Variants in CDC42BPA observed in about 807,000 individuals in gnomAD.
CDC42BPA encodes the protein CDC42 binding protein kinase alpha, also known as serine/threonine-protein kinase MRCK alpha.
Under a neutral mutation model 223.5 loss-of-function variants are expected in CDC42BPA, and 80 were observed. That is an observed-to-expected ratio of 0.36 (90% confidence interval 0.30 to 0.43). The LOEUF is 0.43. CDC42BPA is among the 20% of genes least tolerant of loss of function. The probability of loss-of-function intolerance (pLI) is 1.00; values close to 1 mark genes in which losing one functional copy is unlikely to be tolerated. For missense variants in CDC42BPA, 1,743 were observed against 2,099.9 expected (o/e 0.83, Z 3.32); for synonymous variants, 694 against 718.6 (o/e 0.97, Z 0.55).
At chr1:227,276,598 G>A (rs1176361487) in intron 1 of CDC42BPA, among the ~76,000 whole-genome samples, 2 of 152,218 alleles carry the variant, frequency 1.3e-5, no homozygotes, top group Non-Finnish European at 2.9e-5. Flanking sequence ...CCTTGAGAGC[G>A]GGCCATGATG....
Position 227,299,489 on chromosome 1 carries a change from T to C in CDC42BPA, c.178+17516A>G, listed in dbSNP as rs73098379. ...AATACACCTAATTGAAAACAAAATA[T>C]ACTAAACTGTCATAAATATTTCATC... On this transcript the variant is annotated intron_variant, in intron 1 of 36. Transcript: ENST00000366766. Among the ~76,000 whole-genome samples the C allele has an allele frequency of 6.3e-3, 960 of 152,280 alleles. 14 individuals carry two copies. The highest frequency in any genetic ancestry group is 0.022 in the African/African-American group (915 of 41,576).
intron 16 of CDC42BPA, among the ~76,000 whole-genome samples, chr1:227,085,845 T>C (rs1365310925): frequency 6.6e-6 from 1 of 152,206 alleles, no homozygotes; most frequent in Admixed American, 6.5e-5. Flanking sequence ...TGAGGTATAA[T>C]TTATATAACA....
intron 21 of CDC42BPA, among the ~76,000 whole-genome samples, chr1:227,058,810 C>T (rs957078753): frequency 4.0e-5 from 6 of 150,994 alleles, no homozygotes; most frequent in African/African-American, 1.5e-4. Context: ...AATAGAAAGG[C>T]TTTATTATTA....
At chr1:227,292,874 G>A (rs1367976783) in intron 1 of CDC42BPA, among the ~76,000 whole-genome samples, 2 of 151,908 alleles carry the variant, frequency 1.3e-5, no homozygotes, top group Non-Finnish European at 2.9e-5. Context: ...CATTCTACCT[G>A]GATGTTTCCA....
At chr1:227,119,495 A>G (rs1688291530) in intron 12 of CDC42BPA, among the ~76,000 whole-genome samples, 1 of 152,056 alleles carries the variant, frequency 6.6e-6, no homozygotes, top group South Asian at 2.1e-4. Flanking sequence ...TATAGATGCT[A>G]AACAGTTTCT....
At chr1:227,299,632 GATTT>G (rs769712801) in intron 1 of CDC42BPA, among the ~76,000 whole-genome samples, 18 of 152,130 alleles carry the variant, frequency 1.2e-4, no homozygotes, top group East Asian at 1.2e-3. Context: ...AATGATTACA[GATTT>G]ATTATGTAAA....
In CDC42BPA at chr1:227,264,942, T is replaced by C. The variant is rs573050819; in HGVS notation, c.179-10787A>G. ...ATACCCCACTCGGTATATTCATGGA[T>C]TATCTCTTCCTCTTCTTGTATAACC... On this transcript the variant is annotated intron_variant, in intron 1 of 36. Transcript: ENST00000366766. The C allele has an allele frequency of 1.3e-4, 140 of 1,114,542 alleles. No homozygotes were observed. In the East Asian group the frequency reaches 3.2e-3, roughly 26 times the overall value. 69.0% of individuals were successfully genotyped at this position (1,114,542 alleles called of 1,614,324 possible). A position where few individuals can be genotyped will look rare whatever the true frequency, so the allele number is the denominator to read the frequency against.
chr1:227,066,359 C>T (rs1239981977), intron 21 of CDC42BPA, among the ~76,000 whole-genome samples: 4 of 151,244 alleles, frequency 2.6e-5, no homozygotes, highest in African/African-American at 9.7e-5. Context: ...CACCGCACTC[C>T]AGCCTGGTGA....
rs1445881927 is a variant in CDC42BPA, at chr1:226,993,538, G to A, written c.*730C>T. On this transcript the variant is annotated 3_prime_UTR_variant, in exon 37 of 37. Coordinates refer to ENST00000366766, the MANE Select transcript of CDC42BPA (RefSeq NM_001394014.1). ...CAGTTTGAGGACAGGGCAATAAAGGGAACTCTGATTTCTCTCGCTCTCTCT... is the reference window on the plus strand; with the variant it reads ...CAGTTTGAGGACAGGGCAATAAAGGAAACTCTGATTTCTCTCGCTCTCTCT... 1 of 152,582 alleles carries A rather than the reference G, an allele frequency of 6.6e-6. No individual in the cohort carries two copies. Among genetic ancestry groups the A allele is most frequent in the Admixed American group, 6.5e-5 (1 of 15,272 alleles). The allele number at this position is 152,582 out of a possible 1,614,324, so 9.5% of individuals were successfully genotyped here. A position where few individuals can be genotyped will look rare whatever the true frequency, so the allele number is the denominator to read the frequency against.
In CDC42BPA at chr1:227,230,670, C is replaced by G. The variant is rs958888478; in HGVS notation, c.271-17451G>C. Among the ~76,000 whole-genome samples the G allele has an allele frequency of 2.6e-5, 4 of 152,130 alleles. No homozygotes were observed. In the East Asian group the frequency reaches 7.7e-4, roughly 29 times the overall value. On this transcript the variant is annotated intron_variant, in intron 2 of 36. Coordinates refer to ENST00000366766, the MANE Select transcript of CDC42BPA (RefSeq NM_001394014.1). ...TCTACTGATTTTTGTAAGATGATCC[C>G]TTAACTGAAAATACTCAGTTATCTT...
At chr1:227,275,245 G>A (rs1023617418) in intron 1 of CDC42BPA, among the ~76,000 whole-genome samples, 8 of 151,782 alleles carry the variant, frequency 5.3e-5, no homozygotes, top group Non-Finnish European at 1.5e-5. Flanking sequence ...AAATTAGAAA[G>A]CAGAGGGCAT....
At chr1:227,196,812 T>C (rs1345929069) in intron 4 of CDC42BPA, among the ~76,000 whole-genome samples, 1 of 152,182 alleles carries the variant, frequency 6.6e-6, no homozygotes, top group African/African-American at 2.4e-5. Context: ...TTCCTTTTTT[T>C]CCTCAACCAT....
chr1:227,312,926 T>C (rs1354996876), intron 1 of CDC42BPA, among the ~76,000 whole-genome samples: 1 of 152,110 alleles, frequency 6.6e-6, no homozygotes, highest in African/African-American at 2.4e-5. Flanking sequence ...TTTACCATGA[T>C]TGCAAGTTTC....
intron 5 of CDC42BPA, chr1:227,178,324 T>G (rs188956553): frequency 6.5e-6 from 1 of 152,760 alleles, no homozygotes; most frequent in Admixed American, 6.5e-5. Context: ...GGATTTCCAC[T>G]TTTATCAGGG....
At chr1:227,011,114 G>T in intron 34 of CDC42BPA, 1 of 1,050,920 alleles carries the variant, frequency 9.5e-7, no homozygotes, top group South Asian at 1.5e-5. Context: ...GATGAAAATG[G>T]ATTCACATTT....
intron 1 of CDC42BPA, among the ~76,000 whole-genome samples, chr1:227,260,819 A>G (rs1283251755): frequency 6.6e-6 from 1 of 151,066 alleles, no homozygotes; most frequent in Non-Finnish European, 1.5e-5. Context: ...TGGAACCAAC[A>G]GTAGGGCAGG....
Position 227,198,564 on chromosome 1 carries a change from A to C in CDC42BPA, c.450+993T>G, listed in dbSNP as rs1263430613. On this transcript the variant is annotated intron_variant, in intron 4 of 36. Transcript: ENST00000366766. ...TAAAAAAACATTATTATACTCTATA[A>C]GCATGTAAGGGATATAAAAGACTAG... 2.6e-5 allele frequency among the ~76,000 whole-genome samples: 4 copies of C among 152,182 alleles called. No homozygotes were observed. The East Asian group carries it at 7.7e-4, about 29-fold the overall frequency.
rs1402501095 is a variant in CDC42BPA, at chr1:227,007,601, T to TA, written c.4858-2491dup. ...AACACCAAGCTAACTAGTGTATTTTTAAAAAAATGTTACAACTGTCTGCCT... is the reference window on the plus strand; with the variant it reads ...AACACCAAGCTAACTAGTGTATTTTTAAAAAAAATGTTACAACTGTCTGCCT... On this transcript the variant is annotated intron_variant, in intron 34 of 36. Coordinates refer to ENST00000366766, the MANE Select transcript of CDC42BPA (RefSeq NM_001394014.1). Among the ~76,000 whole-genome samples, 7 of 152,310 alleles carry TA rather than the reference T, an allele frequency of 4.6e-5. No individual in the cohort carries two copies. In the East Asian group the frequency reaches 1.2e-3, roughly 25 times the overall value.
At chr1:227,214,043 G>A (rs1674406127) in intron 2 of CDC42BPA, among the ~76,000 whole-genome samples, 1 of 152,048 alleles carries the variant, frequency 6.6e-6, no homozygotes, top group Non-Finnish European at 1.5e-5. Context: ...CCACAAAAGA[G>A]GAAAACAAAG....
Sources: gnomAD v4.1 joint callset for allele counts (sites outside exome capture counted in the v4.1 genomes callset) on GRCh38, gnomAD v4.1.1 for gene constraint, MANE v1.5 for transcripts, NCBI Gene and HGNC (gene_info 2026-07-23, HGNC 2026-07-21) for gene names.